AXIN1: variants seen among roughly 807,000 people sequenced by gnomAD.
The protein encoded by AXIN1 is axin-1.
Under a neutral mutation model 76.4 loss-of-function variants are expected in AXIN1, and 30 were observed. That is an observed-to-expected ratio of 0.39 (90% CI 0.29 to 0.53). The LOEUF (loss-of-function observed/expected upper bound fraction) is 0.53, where lower values mean the gene tolerates loss of function less well. AXIN1 is among the 20% of genes least tolerant of loss of function. The pLI, the probability that AXIN1 is intolerant of heterozygous loss-of-function variation, is 0.66. For synonymous variants in AXIN1, 545 were observed against 501.4 expected, an observed-to-expected ratio of 1.09 and a Z score of -1.16; for missense variants, 1,140 against 1,198.8, an observed-to-expected ratio of 0.95 and a Z score of 0.72.
rs1300411445 is a variant in AXIN1 at position 306,474 on chromosome 16, CGT to C, written c.1117-2035_1117-2034del. Among the ~76,000 whole-genome samples, 4 of 152,186 alleles carry C rather than the reference CGT, an allele frequency of 2.6e-5. No individual in the cohort carries two copies. The East Asian group carries it at 5.8e-4, about 22-fold the overall frequency. ...GTGGCAGATGGGAGGTGGGACCCTC[CGT>C]GTGTGTGGCCTTCCTGCCCTCCCGC... On this transcript the variant is annotated intron_variant, in intron 4 of 10. Coordinates refer to ENST00000262320, the MANE Select transcript of AXIN1 (RefSeq NM_003502.4).
intron 1 of AXIN1, among the ~76,000 whole-genome samples, chr16:347,673 G>C (rs527569583): frequency 6.6e-6 from 1 of 152,182 alleles, no homozygotes; most frequent in Non-Finnish European, 1.5e-5. Flanking sequence ...ATCACGTCAC[G>C]CGTGGTACAC....
chr16:310,859 A>G (rs1385682259), intron 3 of AXIN1, among the ~76,000 whole-genome samples: 6 of 152,222 alleles, frequency 3.9e-5, no homozygotes, highest in Non-Finnish European at 8.8e-5. Flanking sequence ...CTTGGAGGGC[A>G]TTGCTAAATG....
intron 2 of AXIN1, among the ~76,000 whole-genome samples, chr16:329,633 T>G (rs2053652989): frequency 6.6e-6 from 1 of 151,800 alleles, no homozygotes; most frequent in South Asian, 2.1e-4. Flanking sequence ...TTTTTGTTTT[T>G]GAGACGGAGT....
Position 296,582 on chromosome 16 carries a change from G to A in AXIN1, c.1955+474C>T, listed in dbSNP as rs541376437. The stretch of plus-strand genomic sequence containing the variant: ...CGGGGCCTTGCTCCACACCACACAC[G>A]AGGCCTCTGCCCTTCTGGGAGGAGA... On this transcript the variant is annotated intron_variant, in intron 7 of 10. Transcript: ENST00000262320. Among the ~76,000 whole-genome samples the A allele has an allele frequency of 4.9e-4, 75 of 152,290 alleles. No homozygotes were observed. The East Asian group carries it at 0.014, about 27-fold the overall frequency.
rs111249548 is a variant in AXIN1, at chr16:326,180, C to A, written c.879-11497G>T. Among the ~76,000 whole-genome samples, 787 of 151,136 alleles carry A rather than the reference C, an allele frequency of 5.2e-3. 9 individuals carry two copies. Among genetic ancestry groups the A allele is most frequent in the African/African-American group, 0.018 (719 of 41,068 alleles). ...CCAGCCTGGCTAAAATGGTGAAACC[C>A]CATCTCTACTAAAAATACAAAAAAT... On this transcript the variant is annotated intron_variant, in intron 2 of 10. Coordinates refer to ENST00000262320, the MANE Select transcript of AXIN1 (RefSeq NM_003502.4).
chr16:320,821 C>CCTCCGCCTCCTGGGTACAAG (rs1336265287), intron 2 of AXIN1, among the ~76,000 whole-genome samples: 3 of 148,078 alleles, frequency 2.0e-5, no homozygotes, highest in Admixed American at 6.8e-5. Context: ...CTCACTACAA[C>CCTCCGCCTCCTGGGTACAAG]CTCCGCCTCC....
At chr16:288,822 C>A (rs1446398096) in intron 10 of AXIN1, among the ~76,000 whole-genome samples, 2 of 152,248 alleles carry the variant, frequency 1.3e-5, no homozygotes, top group Non-Finnish European at 2.9e-5. Flanking sequence ...GCTTTTCAGT[C>A]AGGCAAAAGC....
At chr16:330,273 A>C (rs2053668316) in intron 2 of AXIN1, among the ~76,000 whole-genome samples, 1 of 151,680 alleles carries the variant, frequency 6.6e-6, no homozygotes, top group African/African-American at 2.4e-5. Flanking sequence ...TATGTTGCCC[A>C]GGTTGGTCTC....
intron 7 of AXIN1, among the ~76,000 whole-genome samples, chr16:295,522 G>A (rs1161877441): frequency 6.6e-6 from 1 of 151,840 alleles, no homozygotes; most frequent in East Asian, 1.9e-4. Context: ...CTGCACTTCA[G>A]CCAGGGTGAC....
chr16:303,674 G>A (rs2052936098), intron 5 of AXIN1, among the ~76,000 whole-genome samples: 1 of 152,022 alleles, frequency 6.6e-6, no homozygotes, highest in African/African-American at 2.4e-5. Flanking sequence ...TGAGCCACTC[G>A]CCCGCCCGTT....
chr16:330,477 C>T (rs935492263), intron 2 of AXIN1, among the ~76,000 whole-genome samples: 6 of 152,244 alleles, frequency 3.9e-5, no homozygotes, highest in Admixed American at 2.0e-4. Context: ...AAAGAACTCA[C>T]TAATGAGACT....
chr16:343,062 C>G (rs1567305323), intron 2 of AXIN1, among the ~76,000 whole-genome samples: 1 of 152,192 alleles, frequency 6.6e-6, no homozygotes, highest in Admixed American at 6.5e-5. Context: ...AGCCACAAGG[C>G]TGCACCACAG....
intron 2 of AXIN1, among the ~76,000 whole-genome samples, chr16:321,199 G>T (rs150640112): frequency 7.3e-6 from 1 of 137,294 alleles, no homozygotes; most frequent in African/African-American, 3.0e-5. Context: ...CTCTGGGCCC[G>T]CTGCTCTCTG....
intron 2 of AXIN1, among the ~76,000 whole-genome samples, chr16:321,199 G>A (rs150640112): frequency 3.9e-4 from 53 of 137,396 alleles, no homozygotes; most frequent in African/African-American, 1.1e-3. Flanking sequence ...CTCTGGGCCC[G>A]CTGCTCTCTG....
chr16:329,923 G>A (rs550005866), intron 2 of AXIN1, among the ~76,000 whole-genome samples: 9 of 151,596 alleles, frequency 5.9e-5, no homozygotes, highest in South Asian at 4.2e-4. Context: ...GTGAGCCACC[G>A]CGCCTGGCCA....
chr16:322,065 G>C (rs1175927804), intron 2 of AXIN1, among the ~76,000 whole-genome samples: 1 of 152,220 alleles, frequency 6.6e-6, no homozygotes. Context: ...TGGACATGAA[G>C]ACGGAGGTGG....
chr16:337,022 C>T (rs1303914036), intron 2 of AXIN1, among the ~76,000 whole-genome samples: 4 of 149,932 alleles, frequency 2.7e-5, no homozygotes, highest in East Asian at 2.0e-4. Context: ...TGGTGGCAGG[C>T]GCCTGTAATC....
intron 4 of AXIN1, among the ~76,000 whole-genome samples, chr16:304,996 G>T (rs993685061): frequency 6.6e-6 from 1 of 152,182 alleles, no homozygotes; most frequent in Admixed American, 6.5e-5. Flanking sequence ...ACCAGATCAA[G>T]AGGCCTGAGC....
At chr16:294,850 C>G (rs934874059) in intron 7 of AXIN1, among the ~76,000 whole-genome samples, 7 of 150,292 alleles carry the variant, frequency 4.7e-5, no homozygotes, top group Non-Finnish European at 8.9e-5. Flanking sequence ...ATCACGAGGT[C>G]AAGAGATCGA....
Sources: allele counts gnomAD v4.1 joint callset (sites outside exome capture counted in the v4.1 genomes callset), GRCh38; gene constraint gnomAD v4.1.1; transcripts MANE v1.5; gene names NCBI Gene and HGNC (gene_info 2026-07-23, HGNC 2026-07-21).